Variants in INKA2 observed in about 807,000 individuals in gnomAD.
INKA2 encodes the protein inka box actin regulator 2.
In INKA2, 3 loss-of-function variants were observed where a neutral mutation model predicts 9.8. The ratio of observed to expected loss-of-function variants is 0.31; its 90% CI spans 0.14 to 0.79. The LOEUF (loss-of-function observed/expected upper bound fraction) is 0.79. Among genes scored for constraint, INKA2 ranks in the 30% least tolerant of loss-of-function variants. The pLI, the probability that INKA2 is intolerant of heterozygous loss-of-function variation, is 0.62. For synonymous variants in INKA2, 147 were observed against 143.3 expected, an observed-to-expected ratio of 1.03 and a Z score of -0.18; for missense variants, 392 against 384.4, an observed-to-expected ratio of 1.02 and a Z score of -0.17.
chr1:111,744,403 T>C (rs1663213715), intron 1 of INKA2: 1 of 152,154 alleles, frequency 6.6e-6, no homozygotes, highest in South Asian at 2.1e-4. Flanking sequence ...AAAAGGTTGG[T>C]CTGTATGGTG....
chr1:111,737,840 A>G (rs1034398810), intron 1 of INKA2, among the ~76,000 whole-genome samples: 2 of 152,238 alleles, frequency 1.3e-5, no homozygotes, highest in Non-Finnish European at 2.9e-5. Context: ...ACCCTGGAGT[A>G]GGACTGACAG....
At chr1:111,749,418 TG>T (rs34700864) in intron 1 of INKA2, among the ~76,000 whole-genome samples, 6 of 134,696 alleles carry the variant, frequency 4.5e-5, no homozygotes, top group African/African-American at 1.8e-4. Context: ...CTGTGTGTGT[TG>T]GGGTGTGTGT....
intron 1 of INKA2, among the ~76,000 whole-genome samples, chr1:111,749,442 G>A (rs920966206): frequency 6.8e-6 from 1 of 146,348 alleles, no homozygotes; most frequent in Non-Finnish European, 1.5e-5. Flanking sequence ...GTGTGTGTGT[G>A]TGTGCGCGCG....
At chr1:111,740,085 C>A, upstream of INKA2, 1 of 152,434 alleles carries the variant, frequency 6.6e-6, no homozygotes. Context: ...CAGGTAAACA[C>A]ACACACACAC....
At chr1:111,744,790 C>T (rs1265788128) in intron 1 of INKA2, among the ~76,000 whole-genome samples, 1 of 152,048 alleles carries the variant, frequency 6.6e-6, no homozygotes, top group Admixed American at 6.5e-5. Context: ...CCATATTGGC[C>T]AGACTGGTCT....
chr1:111,739,039 C>T, intron 1 of INKA2, 147 bp downstream of exon 1: 1 of 723,402 alleles, frequency 1.4e-6, no homozygotes, highest in Non-Finnish European at 2.4e-6. Flanking sequence ...AAGCCCTGCC[C>T]TCTGCCTGCG....
Position 111,722,996 on chromosome 1 carries a change from G to A in INKA2, c.*3972C>T, listed in dbSNP as rs1662680413. 2 of 693,948 alleles carry A rather than the reference G, an allele frequency of 2.9e-6. No individual in the cohort carries two copies. Among genetic ancestry groups the A allele is most frequent in the South Asian group, 1.5e-5 (1 of 66,306 alleles). 43.0% of individuals were successfully genotyped at this position (693,948 alleles called of 1,614,324 possible). On this transcript the variant is annotated 3_prime_UTR_variant, in exon 2 of 2. Coordinates refer to ENST00000357260, the MANE Select transcript of INKA2 (RefSeq NM_019099.5). The stretch of plus-strand genomic sequence containing the variant: ...ACCTTTCACAGATGAGAAACACAAG[G>A]TTCAGAGAGATCAAGCAACATGCTC...
At chr1:111,748,802 A>G (rs1319691532) in intron 1 of INKA2, among the ~76,000 whole-genome samples, 1 of 152,216 alleles carries the variant, frequency 6.6e-6, no homozygotes, top group Non-Finnish European at 1.5e-5. Context: ...GAGGTCCCTC[A>G]GTGTCACCAC....
At chr1:111,739,991 C>T (rs766778242), upstream of INKA2, 3 of 152,294 alleles carry the variant, frequency 2.0e-5, no homozygotes, top group Admixed American at 6.5e-5. Context: ...CCTGGCAAGG[C>T]TGTAGGGCTG....
chr1:111,727,207 G>A lies in INKA2; in HGVS notation c.655C>T (p.Arg219Trp), dbSNP rs761913751. The A allele has an allele frequency of 2.5e-5, 40 of 1,614,206 alleles. 1 individual carries two copies. In the South Asian group the frequency reaches 4.2e-4, roughly 17 times the overall value. ...NIFKKFLRSV[R>W]PDRDRLLKEK... is the part of the protein sequence containing the mutation. ...TTCAGCAGCCGGTCACGGTCAGGCC[G>A]CACACTACGCAAGAACTTCTTAAAG... The change falls in exon 2 of 2, where the codon CGG becomes TGG. Residue 219 changes from arginine (R) to tryptophan (W), a missense_variant. Physicochemically the swap from Arg to Trp is moderately radical, Grantham distance 101. Coordinates refer to ENST00000357260, the MANE Select transcript of INKA2 (RefSeq NM_019099.5).
rs1557905632 is a variant in INKA2 at position 111,722,781 on chromosome 1, C to T, written c.*4187G>A. On this transcript the variant is annotated 3_prime_UTR_variant, in exon 2 of 2. Transcript: ENST00000357260. ...AGATATTAAATCAATATAAATGTTT[C>T]GACAGAAGAAGAGACCAACGCTCAG... 1.3e-5 allele frequency: 5 copies of T among 371,136 alleles called. No homozygotes were observed. Among genetic ancestry groups the T allele is most frequent in the Admixed American group, 8.9e-5 (2 of 22,464 alleles). 23.0% of individuals were successfully genotyped at this position (371,136 alleles called of 1,614,324 possible).
chr1:111,737,578 C>T (rs1425521128), intron 1 of INKA2, among the ~76,000 whole-genome samples: 2 of 152,142 alleles, frequency 1.3e-5, no homozygotes. Context: ...TCTGGTACTG[C>T]ACACATAAAT....
chr1:111,752,698 T>C (rs561003938), intron 1 of INKA2, among the ~76,000 whole-genome samples: 1 of 152,112 alleles, frequency 6.6e-6, no homozygotes, highest in East Asian at 1.9e-4. Context: ...CTTTTTCTTT[T>C]TTTTTTTTCT....
At chr1:111,731,080 G>A (rs1473070599) in intron 1 of INKA2, among the ~76,000 whole-genome samples, 1 of 152,198 alleles carries the variant, frequency 6.6e-6, no homozygotes, top group Non-Finnish European at 1.5e-5. Context: ...ATCTCTTCCA[G>A]TGTGGAAAAA....
At chr1:111,750,870 A>G (rs1026617990) in intron 1 of INKA2, among the ~76,000 whole-genome samples, 1 of 152,186 alleles carries the variant, frequency 6.6e-6, no homozygotes. Context: ...GGGCCAGTAT[A>G]TCTCTGCATC....
upstream of INKA2, among the ~76,000 whole-genome samples, chr1:111,743,372 C>A (rs1307324860): frequency 6.6e-6 from 1 of 152,222 alleles, no homozygotes; most frequent in African/African-American, 2.4e-5. Flanking sequence ...CTTTACCTGA[C>A]AGAGAGGGTG....
intron 1 of INKA2, among the ~76,000 whole-genome samples, chr1:111,733,055 C>A (rs1370832723): frequency 6.6e-6 from 1 of 152,172 alleles, no homozygotes; most frequent in Non-Finnish European, 1.5e-5. Context: ...GTGGAGATAT[C>A]CCCAAGTAAT....
chr1:111,729,340 A>C (rs910922148), intron 1 of INKA2, among the ~76,000 whole-genome samples: 1 of 151,480 alleles, frequency 6.6e-6, no homozygotes, highest in Non-Finnish European at 1.5e-5. Flanking sequence ...TGGCTTCAAC[A>C]CTCTTCCTGC....
At chr1:111,741,965 C>T (rs1193007898), upstream of INKA2, among the ~76,000 whole-genome samples, 1 of 152,166 alleles carries the variant, frequency 6.6e-6, no homozygotes, top group Admixed American at 6.5e-5. Context: ...ATCCGCCTGC[C>T]TCGGCCTCCC....
Sources: allele counts gnomAD v4.1 joint callset (sites outside exome capture counted in the v4.1 genomes callset), GRCh38; gene constraint gnomAD v4.1.1; transcripts MANE v1.5; gene names NCBI Gene and HGNC (gene_info 2026-07-23, HGNC 2026-07-21).